The following ALDH1L1 variants were observed in gnomAD, a reference collection of about 807,000 sequenced individuals.
ALDH1L1 encodes the protein cytosolic 10-formyltetrahydrofolate dehydrogenase.
Under a neutral mutation model 101.1 loss-of-function variants are expected in ALDH1L1, and 68 were observed. The observed-to-expected ratio is 0.67, with a 90% confidence interval of 0.55 to 0.82. ALDH1L1 has a LOEUF of 0.82. Ranked by LOEUF, ALDH1L1 falls within the 40% of genes least tolerant of loss-of-function variation. ALDH1L1 has a pLI of 0.00. For synonymous variants in ALDH1L1, 486 were observed against 470.8 expected, an observed-to-expected ratio of 1.03 and a Z score of -0.42; for missense variants, 1,087 against 1,172.7, an observed-to-expected ratio of 0.93 and a Z score of 1.07.
intron 22 of ALDH1L1, 64 bp downstream of exon 22, chr3:126,105,662 G>A (rs1167115370): frequency 6.4e-7 from 1 of 1,571,378 alleles, no homozygotes; most frequent in African/African-American, 1.4e-5. Context: ...GGCCCTAAGT[G>A]GTTTTGAACA....
chr3:126,130,064 A>G, intron 14 of ALDH1L1, 159 bp downstream of exon 14: 1 of 592,546 alleles, frequency 1.7e-6, no homozygotes, highest in Non-Finnish European at 2.7e-6. Flanking sequence ...AAGTCCTTAC[A>G]ACAATGCCTG....
chr3:126,118,725 C>T (rs1455742776), intron 16 of ALDH1L1, among the ~76,000 whole-genome samples: 2 of 152,132 alleles, frequency 1.3e-5, no homozygotes, highest in Admixed American at 6.5e-5. Context: ...CCCAAGGATG[C>T]CTGATCAGGT....
intron 19 of ALDH1L1, among the ~76,000 whole-genome samples, chr3:126,112,306 G>C (rs1946104028): frequency 6.6e-6 from 1 of 152,156 alleles, no homozygotes; most frequent in South Asian, 2.1e-4. Context: ...ACCTGCCACA[G>C]GGGCCCACAG....
intron 11 of ALDH1L1, among the ~76,000 whole-genome samples, chr3:126,136,042 C>T (rs1173055484): frequency 6.6e-6 from 1 of 152,186 alleles, no homozygotes; most frequent in Non-Finnish European, 1.5e-5. Flanking sequence ...ACAGCCATGC[C>T]CCTTCTGCCA....
chr3:126,176,507 G>A (rs1259202344), intron 1 of ALDH1L1, among the ~76,000 whole-genome samples: 2 of 152,164 alleles, frequency 1.3e-5, no homozygotes, highest in African/African-American at 4.8e-5. Flanking sequence ...ACAGAATAGA[G>A]AGCCCAGAAG....
intron 14 of ALDH1L1, chr3:126,129,216 T>A (rs943875132): frequency 6.6e-6 from 1 of 152,256 alleles, no homozygotes; most frequent in African/African-American, 2.4e-5. Context: ...AGGAGCCTCC[T>A]CCAGCCCGTG....
chr3:126,128,431 A>G (rs959144529), intron 14 of ALDH1L1: 2 of 151,978 alleles, frequency 1.3e-5, no homozygotes, highest in Non-Finnish European at 2.9e-5. Context: ...AGTTGGGGAG[A>G]CTGAGTACAG....
intron 1 of ALDH1L1, among the ~76,000 whole-genome samples, chr3:126,189,103 T>A (rs1213544143): frequency 1.3e-5 from 2 of 152,200 alleles, no homozygotes; most frequent in Non-Finnish European, 2.9e-5. Flanking sequence ...AGTCCAGCTC[T>A]ATAAAAGGGA....
intron 1 of ALDH1L1, among the ~76,000 whole-genome samples, chr3:126,187,372 G>A (rs185390575): frequency 2.0e-5 from 3 of 152,206 alleles, no homozygotes; most frequent in Non-Finnish European, 4.4e-5. Context: ...CTAGATGGAC[G>A]GTGGGGTTTC....
At chr3:126,160,549 T>C in intron 2 of ALDH1L1, 1 of 323,204 alleles carries the variant, frequency 3.1e-6, no homozygotes, top group Non-Finnish European at 5.6e-6. Flanking sequence ...TTCCCAATCA[T>C]GGGTGCTGGG....
chr3:126,160,562 A>C (rs1397914426), intron 2 of ALDH1L1: 2 of 373,922 alleles, frequency 5.3e-6, no homozygotes, highest in African/African-American at 4.2e-5. Flanking sequence ...GTGCTGGGTC[A>C]GAGAAGCTCT....
At chr3:126,119,037 G>C (rs1047477542) in intron 16 of ALDH1L1, among the ~76,000 whole-genome samples, 1 of 152,138 alleles carries the variant, frequency 6.6e-6, no homozygotes, top group Non-Finnish European at 1.5e-5. Context: ...TTTGGCTTCT[G>C]ACTCTGCACC....
intron 16 of ALDH1L1, among the ~76,000 whole-genome samples, chr3:126,122,334 G>A (rs1297983779): frequency 3.9e-5 from 6 of 152,178 alleles, no homozygotes; most frequent in African/African-American, 7.2e-5. Flanking sequence ...TTTAAAAAGC[G>A]ATTGTGTAAA....
intron 19 of ALDH1L1, among the ~76,000 whole-genome samples, chr3:126,111,151 G>A (rs944227813): frequency 6.6e-6 from 1 of 152,254 alleles, no homozygotes; most frequent in African/African-American, 2.4e-5. Context: ...GGCCGGGCAG[G>A]CCAGCTCCCC....
At chr3:126,194,303 G>A (rs1033127821) in intron 1 of ALDH1L1, among the ~76,000 whole-genome samples, 2 of 152,054 alleles carry the variant, frequency 1.3e-5, no homozygotes, top group Non-Finnish European at 2.9e-5. Flanking sequence ...TCTTTGACAA[G>A]GCTTCCTATG....
chr3:126,126,751 A>G (rs953448148), intron 14 of ALDH1L1, among the ~76,000 whole-genome samples: 5 of 152,170 alleles, frequency 3.3e-5, no homozygotes, highest in South Asian at 2.1e-4. Flanking sequence ...CCACTCCCCA[A>G]TTCGTATGCT....
intron 18 of ALDH1L1, among the ~76,000 whole-genome samples, chr3:126,114,352 T>C (rs1946169266): frequency 6.6e-6 from 1 of 152,214 alleles, no homozygotes; most frequent in Non-Finnish European, 1.5e-5. Flanking sequence ...CTGGCAGCTA[T>C]GAAACTTCTT....
At chr3:126,140,810 T>C (rs571633083) in intron 9 of ALDH1L1, among the ~76,000 whole-genome samples, 1 of 148,384 alleles carries the variant, frequency 6.7e-6, no homozygotes, top group Non-Finnish European at 1.5e-5. Context: ...AAGAAGGGAA[T>C]CAAAGTGATA....
intron 1 of ALDH1L1, among the ~76,000 whole-genome samples, chr3:126,194,258 C>T (rs892351132): frequency 2.0e-5 from 3 of 152,148 alleles, no homozygotes; most frequent in African/African-American, 7.2e-5. Flanking sequence ...TAGTATCATT[C>T]ACTAAATGTA....
Sources: allele counts gnomAD v4.1 joint callset (sites outside exome capture counted in the v4.1 genomes callset), GRCh38; gene constraint gnomAD v4.1.1; transcripts MANE v1.5; gene names NCBI Gene and HGNC (gene_info 2026-07-23, HGNC 2026-07-21).